The following KCNB2 variants were observed in gnomAD, a reference collection of about 807,000 sequenced individuals.
The protein encoded by KCNB2 is delayed rectifier potassium channel protein.
A neutral mutation model predicts 61.5 loss-of-function variants in KCNB2; 15 were observed. The ratio of observed to expected loss-of-function variants is 0.24; its 90% CI spans 0.16 to 0.38. KCNB2 has a LOEUF of 0.38. KCNB2 is among the 10% of genes least tolerant of loss of function. The probability of loss-of-function intolerance (pLI) is 1.00; values close to 1 mark genes in which losing one functional copy is unlikely to be tolerated. For synonymous variants in KCNB2, 457 were observed against 446.0 expected, an observed-to-expected ratio of 1.02 and a Z score of -0.31; for missense variants, 828 against 1,125.2, an observed-to-expected ratio of 0.74 and a Z score of 3.78.
intron 2 of KCNB2, among the ~76,000 whole-genome samples, chr8:72,920,437 C>T (rs11775708): frequency 0.42 from 42,297 of 99,644 alleles, 12,020 homozygotes; most frequent in Middle Eastern, 0.56. Context: ...ACCCCCTCTC[C>T]ACTATATCTA....
chr8:72,792,345 C>T (rs983253459), intron 2 of KCNB2, among the ~76,000 whole-genome samples: 1 of 152,166 alleles, frequency 6.6e-6, no homozygotes, highest in African/African-American at 2.4e-5. Context: ...CTTTTTATGA[C>T]CACTAATAGC....
chr8:72,937,882 G>A lies in KCNB2; in HGVS notation c.2527G>A (p.Asp843Asn), dbSNP rs1259051861. The A allele has an allele frequency of 6.2e-7, 1 of 1,614,110 alleles. No homozygotes were observed. Among genetic ancestry groups the A allele is most frequent in the South Asian group, 1.1e-5 (1 of 91,080 alleles). Residue 843 changes from aspartate (D) to asparagine (N), a missense_variant, in exon 3 of 3, where the codon GAC becomes AAC. Transcript: ENST00000523207. ...CFADKPSDGR[D>N]PLREEGSVGS... Reference sequence around the variant, plus strand: ...TGCAGATAAGCCTAGTGATGGGAGAGACCCTTTAAGAGAAGAGGGCAGTGT... The same window carrying A: ...TGCAGATAAGCCTAGTGATGGGAGAAACCCTTTAAGAGAAGAGGGCAGTGT...
chr8:72,826,841 T>C (rs1036351534), intron 2 of KCNB2, among the ~76,000 whole-genome samples: 65 of 152,360 alleles, frequency 4.3e-4, no homozygotes, highest in Middle Eastern at 3.4e-3. Context: ...AATATGTTGC[T>C]GTCTATTGCC....
chr8:72,591,893 A>G (rs1807105741), intron 2 of KCNB2, among the ~76,000 whole-genome samples: 1 of 152,032 alleles, frequency 6.6e-6, no homozygotes, highest in Non-Finnish European at 1.5e-5. Flanking sequence ...TTGAATTATA[A>G]GAATAGTATC....
intron 2 of KCNB2, among the ~76,000 whole-genome samples, chr8:72,916,476 G>T (rs1806403334): frequency 6.6e-6 from 1 of 152,270 alleles, no homozygotes; most frequent in South Asian, 2.1e-4. Flanking sequence ...CTCCATGGGG[G>T]CCCTGCAGCA....
chr8:72,596,739 C>G (rs1807197578), intron 2 of KCNB2, among the ~76,000 whole-genome samples: 1 of 152,146 alleles, frequency 6.6e-6, no homozygotes, highest in African/African-American at 2.4e-5. Flanking sequence ...TAAAACAACA[C>G]AAAGTATTAC....
chr8:72,787,380 G>A (rs1808860144), intron 2 of KCNB2, among the ~76,000 whole-genome samples: 1 of 152,090 alleles, frequency 6.6e-6, no homozygotes. Flanking sequence ...CAGGGCAACA[G>A]AGCAGGACTC....
intron 2 of KCNB2, among the ~76,000 whole-genome samples, chr8:72,739,584 G>C (rs1807911883): frequency 6.6e-6 from 1 of 151,896 alleles, no homozygotes. Context: ...GAATGGTCTG[G>C]AGGTGCAAAA....
intron 2 of KCNB2, among the ~76,000 whole-genome samples, chr8:72,839,606 T>C (rs923921353): frequency 3.2e-3 from 32 of 9,970 alleles, no homozygotes; most frequent in Non-Finnish European, 5.4e-3. Context: ...CTTCTTTTTT[T>C]TTTTTTTTTT....
chr8:72,721,848 T>C lies in KCNB2; in HGVS notation c.579+153535T>C, dbSNP rs554023910. ...GGGCAATAGAAACTTGAACCAATGG[T>C]TTCTGTGCTCCTTCTCTGAGCTCCA... On this transcript the variant is annotated intron_variant, in intron 2 of 2. Coordinates refer to ENST00000523207, the MANE Select transcript of KCNB2 (RefSeq NM_004770.3). 3.9e-5 allele frequency among the ~76,000 whole-genome samples: 6 copies of C among 152,312 alleles called. No homozygotes were observed. In the East Asian group the frequency reaches 1.2e-3, roughly 29 times the overall value.
chr8:72,873,681 A>G (rs1314566482), intron 2 of KCNB2, among the ~76,000 whole-genome samples: 1 of 152,252 alleles, frequency 6.6e-6, no homozygotes, highest in Non-Finnish European at 1.5e-5. Flanking sequence ...GGTCTTCTGT[A>G]TTTGTGTGAC....
At chr8:72,699,740 A>G (rs1047398546) in intron 2 of KCNB2, among the ~76,000 whole-genome samples, 1 of 152,128 alleles carries the variant, frequency 6.6e-6, no homozygotes, top group African/African-American at 2.4e-5. Flanking sequence ...TTTACATTTA[A>G]GTCTTTAATC....
intron 2 of KCNB2, among the ~76,000 whole-genome samples, chr8:72,730,829 G>A (rs916130138): frequency 1.3e-5 from 2 of 152,012 alleles, no homozygotes; most frequent in Non-Finnish European, 2.9e-5. Flanking sequence ...TCTTATAATC[G>A]TATTTTTAAG....
intron 1 of KCNB2, among the ~76,000 whole-genome samples, chr8:72,564,028 TTGTC>T (rs1209839570): frequency 6.6e-6 from 1 of 152,232 alleles, no homozygotes; most frequent in Non-Finnish European, 1.5e-5. Flanking sequence ...GAATTTCAGT[TTGTC>T]TTTTATTGCG....
chr8:72,599,129 C>T (rs1807247785), intron 2 of KCNB2, among the ~76,000 whole-genome samples: 1 of 152,142 alleles, frequency 6.6e-6, no homozygotes, highest in Admixed American at 6.5e-5. Flanking sequence ...AAAAAAGAGC[C>T]CGCATCGCCA....
intron 1 of KCNB2, among the ~76,000 whole-genome samples, chr8:72,559,191 G>C (rs1299431046): frequency 6.6e-6 from 1 of 151,696 alleles, no homozygotes; most frequent in Non-Finnish European, 1.5e-5. Flanking sequence ...TGTTCCCCAG[G>C]ATGGAGTGCA....
At position 72,745,103 on chromosome 8, in the gene KCNB2, C is replaced by T. The variant is rs1008378560; in HGVS notation, c.579+176790C>T. Among the ~76,000 whole-genome samples the T allele has an allele frequency of 2.6e-4, 40 of 152,162 alleles. 2 individuals carry two copies. ...CTGAATTAAATGTGCATGTTGGGAT[C>T]CCTCCACCTCCCTGATCCAGAGAGA... On this transcript the variant is annotated intron_variant, in intron 2 of 2. Coordinates refer to ENST00000523207, the MANE Select transcript of KCNB2 (RefSeq NM_004770.3).
intron 1 of KCNB2, among the ~76,000 whole-genome samples, chr8:72,556,609 A>G (rs767601436): frequency 5.9e-5 from 9 of 152,168 alleles, no homozygotes; most frequent in Non-Finnish European, 1.2e-4. Context: ...CAAGCATACA[A>G]TCGATTTTGA....
chr8:72,817,377 G>A (rs1809418732), intron 2 of KCNB2, among the ~76,000 whole-genome samples: 1 of 152,064 alleles, frequency 6.6e-6, no homozygotes, highest in Non-Finnish European at 1.5e-5. Flanking sequence ...TGCCTACTTC[G>A]GATGTCACTG....
Sources: allele counts gnomAD v4.1 joint callset (sites outside exome capture counted in the v4.1 genomes callset), GRCh38; gene constraint gnomAD v4.1.1; transcripts MANE v1.5; gene names NCBI Gene and HGNC (gene_info 2026-07-23, HGNC 2026-07-21).